MZT2B: variants seen among roughly 807,000 people sequenced by gnomAD.
The protein encoded by MZT2B is mitotic spindle organizing protein 2B.
Under a neutral mutation model 12.1 loss-of-function variants are expected in MZT2B, and 11 were observed. The observed-to-expected ratio is 0.91, with a 90% CI of 0.57 to 1.50. The LOEUF is 1.50. Ranked by LOEUF, MZT2B falls within the 40% of genes most tolerant of loss-of-function variation. The probability of loss-of-function intolerance (pLI) is 0.00; values close to 1 mark genes in which losing one functional copy is unlikely to be tolerated. For missense variants in MZT2B, 209 were observed against 227.7 expected, an observed-to-expected ratio of 0.92 and a Z score of 0.53; for synonymous variants, 85 against 109.5, an observed-to-expected ratio of 0.78 and a Z score of 1.40.
At chr2:130,193,960 G>A, downstream of MZT2B, 4 of 1,614,236 alleles carry the variant, frequency 2.5e-6, no homozygotes, top group Non-Finnish European at 3.4e-6. Context: ...GCTCGAAGCA[G>A]GCATTGGTGA....
chr2:130,185,112 A>G (rs1690007101), intron 2 of MZT2B, among the ~76,000 whole-genome samples: 1 of 152,124 alleles, frequency 6.6e-6, no homozygotes, highest in Non-Finnish European at 1.5e-5. Flanking sequence ...GATTGAGACC[A>G]TCCCGGCTAA....
rs6753821 is a variant in MZT2B at position 130,188,020 on chromosome 2, A to G, written c.320-2449A>G. ...GATTGCATCACTGTGCTCTAGACCA[A>G]GTGACAGAGCAAGACTCAGTCTCTA... On this transcript the variant is annotated intron_variant, in intron 2 of 2. Coordinates refer to ENST00000281871, the MANE Select transcript of MZT2B (RefSeq NM_025029.5). The G allele has an allele frequency of 9.2e-3, 1,390 of 151,654 alleles. 14 individuals are homozygous for G. The highest frequency in any genetic ancestry group is 1.0e-2 in the African/African-American group (411 of 41,264). 9.4% of individuals were successfully genotyped at this position (151,654 alleles called of 1,614,324 possible).
chr2:130,193,888 C>T (rs1395884095), downstream of MZT2B: 1 of 1,614,238 alleles, frequency 6.2e-7, no homozygotes, highest in African/African-American at 1.3e-5. Flanking sequence ...CCCCCCTGTA[C>T]AACATGCAGC....
intron 2 of MZT2B, chr2:130,188,053 C>T (rs894057449): frequency 2.1e-5 from 3 of 141,850 alleles, no homozygotes; most frequent in African/African-American, 7.9e-5. Flanking sequence ...CTAAACCCCC[C>T]TCCCCCACCA....
At chr2:130,194,181 G>A (rs13000249), downstream of MZT2B, 6 of 1,608,942 alleles carry the variant, frequency 3.7e-6, no homozygotes, top group Non-Finnish European at 5.1e-6. Flanking sequence ...TACGTGGGAC[G>A]TTCAATGTCC....
At chr2:130,185,162 T>A (rs918398214) in intron 2 of MZT2B, among the ~76,000 whole-genome samples, 6 of 151,560 alleles carry the variant, frequency 4.0e-5, no homozygotes, top group Non-Finnish European at 7.4e-5. Flanking sequence ...ACAAAAAAAA[T>A]TAGCTGGGCG....
At chr2:130,193,724 A>G (rs753719711), downstream of MZT2B, 2,415 of 1,548,772 alleles carry the variant, frequency 1.6e-3, 11 homozygotes, top group African/African-American at 3.8e-3. Context: ...TGGGCCTTCA[A>G]GGCCAGTGTT....
Position 130,184,568 on chromosome 2 carries a change from G to A in MZT2B, c.319+1793G>A, listed in dbSNP as rs547049998. The A allele has an allele frequency of 9.0e-4, 886 of 985,340 alleles. 4 individuals carry two copies. The African/African-American group carries it at 0.012, about 14-fold the overall frequency. The allele number at this position is 985,340 out of a possible 1,614,324, so 61.0% of individuals were successfully genotyped here. A position where few individuals can be genotyped will look rare whatever the true frequency, so the allele number is the denominator to read the frequency against. ...AGGGGTCTTTGGTTGCACCTCCTGC[G>A]TGCACTTCCTGACAGCGCCCACCTC... On this transcript the variant is annotated intron_variant, in intron 2 of 2. Transcript: ENST00000281871.
In MZT2B at chr2:130,183,668, G is replaced by T. The variant is rs565559100; in HGVS notation, c.319+893G>T. ...GGAGAGCAGGCTGCCTTCATGGGGG[G>T]AGTGCCAGGGCCTGGGCACCCACAC... On this transcript the variant is annotated intron_variant, in intron 2 of 2. Coordinates refer to ENST00000281871, the MANE Select transcript of MZT2B (RefSeq NM_025029.5). 75 of 1,510,760 alleles carry T rather than the reference G, an allele frequency of 5.0e-5. No individual in the cohort carries two copies. The African/African-American group carries it at 9.3e-4, about 19-fold the overall frequency. The allele number at this position is 1,510,760 out of a possible 1,614,324, so 93.6% of individuals were successfully genotyped here.
At chr2:130,185,575 G>T (rs1350127664) in intron 2 of MZT2B, among the ~76,000 whole-genome samples, 1 of 109,378 alleles carries the variant, frequency 9.1e-6, no homozygotes, top group East Asian at 2.8e-4. Context: ...GGTAACAAGG[G>T]TTACAGCAGG....
Position 130,188,066 on chromosome 2 carries a change from C to CA in MZT2B, c.320-2389dup, listed in dbSNP as rs35336011. 4.8e-3 allele frequency: 668 copies of CA among 138,256 alleles called. 4 individuals are homozygous for CA. The highest frequency in any genetic ancestry group is 6.5e-3 in the Non-Finnish European group (411 of 63,260). The allele number at this position is 138,256 out of a possible 1,614,324, so 8.6% of individuals were successfully genotyped here. A position where few individuals can be genotyped will look rare whatever the true frequency, so the allele number is the denominator to read the frequency against. ...CTCTAAACCCCCCTCCCCCACCACTCAAAAAAAAAAAAAAGCATTATTTGC... is the reference window on the plus strand; with the variant it reads ...CTCTAAACCCCCCTCCCCCACCACTCAAAAAAAAAAAAAAAGCATTATTTGC... On this transcript the variant is annotated intron_variant, in intron 2 of 2. Coordinates refer to ENST00000281871, the MANE Select transcript of MZT2B (RefSeq NM_025029.5).
intron 2 of MZT2B, 73 bp downstream of exon 2, chr2:130,182,848 C>G (rs1689819916): frequency 2.1e-6 from 3 of 1,437,648 alleles, no homozygotes; most frequent in Non-Finnish European, 2.8e-6. Flanking sequence ...CGCGGCACAG[C>G]GGCGGCGTGG....
chr2:130,200,047 G>A, the MZT2B span, among the ~76,000 whole-genome samples: 263 of 151,586 alleles, frequency 1.7e-3, 1 homozygote, highest in African/African-American at 6.1e-3. Context: ...AGTGAGCCAA[G>A]ATCATGCCAT....
At chr2:130,188,182 G>A (rs1690128362) in intron 2 of MZT2B, 1 of 152,862 alleles carries the variant, frequency 6.5e-6, no homozygotes, top group African/African-American at 2.4e-5. Context: ...GCAAGCTGAA[G>A]GGAAGCCGAC....
chr2:130,189,311 T>C (rs962170247), intron 2 of MZT2B, among the ~76,000 whole-genome samples: 19 of 152,250 alleles, frequency 1.2e-4, no homozygotes, highest in Middle Eastern at 3.4e-3. Flanking sequence ...CTTAGCAACA[T>C]GTCAGATCTT....
chr2:130,195,071 C>G (rs201762331), downstream of MZT2B: 151 of 1,612,806 alleles, frequency 9.4e-5, 1 homozygote, highest in Non-Finnish European at 1.2e-4. Flanking sequence ...GAAACCTTCT[C>G]TTCTTACCAG....
intron 2 of MZT2B, chr2:130,183,916 GC>G: frequency 6.4e-7 from 1 of 1,550,482 alleles, no homozygotes. Context: ...CTCTCTCCAG[GC>G]CCCCCGGGTT....
chr2:130,191,205 G>A (rs759374221), downstream of MZT2B, among the ~76,000 whole-genome samples: 2 of 152,158 alleles, frequency 1.3e-5, no homozygotes, highest in Admixed American at 1.3e-4. Context: ...TTCTACCAAG[G>A]CAGTTGACAG....
chr2:130,187,083 T>C (rs975115441), intron 2 of MZT2B, among the ~76,000 whole-genome samples: 1 of 151,476 alleles, frequency 6.6e-6, no homozygotes, highest in Non-Finnish European at 1.5e-5. Context: ...AGAACAGAGG[T>C]GAATGCAACA....
Sources: gnomAD v4.1 joint callset for allele counts (sites outside exome capture counted in the v4.1 genomes callset) on GRCh38, gnomAD v4.1.1 for gene constraint, MANE v1.5 for transcripts, NCBI Gene and HGNC (gene_info 2026-07-23, HGNC 2026-07-21) for gene names.